Variants in DNAH10 observed in about 807,000 individuals in gnomAD.
The protein encoded by DNAH10 is axonemal beta dynein heavy chain 10.
In DNAH10, 348 loss-of-function variants were observed where a neutral mutation model predicts 506.6. The observed-to-expected ratio is 0.69, with a 90% CI of 0.63 to 0.75. DNAH10 has a LOEUF of 0.75. Among genes scored for constraint, DNAH10 ranks in the 30% least tolerant of loss-of-function variants. The pLI is 0.00. For missense variants in DNAH10, 5,179 were observed against 5,787.1 expected (o/e 0.89, Z 3.41); for synonymous variants, 2,059 against 2,198.6 (o/e 0.94, Z 1.78).
At chr12:123,816,988 T>A (rs1463794427) in intron 21 of DNAH10, among the ~76,000 whole-genome samples, 2 of 152,344 alleles carry the variant, frequency 1.3e-5, no homozygotes, top group East Asian at 3.9e-4. Flanking sequence ...GGGTTTTTTT[T>A]ATCCCTTCTA....
In DNAH10 at chr12:123,787,070, T is replaced by C. The variant is rs564433162; in HGVS notation, c.1422-734T>C. On this transcript the variant is annotated intron_variant, in intron 9 of 78. Coordinates refer to ENST00000673944, the MANE Select transcript of DNAH10 (RefSeq NM_001372106.1). This position sits in a 1 kb window ranked among gnomAD's most constrained non-coding sequence, Gnocchi z 4.6. ...AGGAGAATCGCTTGAACCCAGGAAG[T>C]GGAGGTTGCAGTGAGCCGAGATTGC... Among the ~76,000 whole-genome samples the C allele has an allele frequency of 5.3e-5, 8 of 152,060 alleles. No individual in the cohort carries two copies. The South Asian group carries it at 1.7e-3, about 32-fold the overall frequency.
At chr12:123,804,761 G>T (rs1438861262) in intron 17 of DNAH10, 72 bp from the exon 18 acceptor site, 3 of 1,490,818 alleles carry the variant, frequency 2.0e-6, no homozygotes, top group East Asian at 4.6e-5. Flanking sequence ...CACAGCTCAT[G>T]TTTGGATTGC....
chr12:123,819,361 A>T, intron 23 of DNAH10, 111 bp downstream of exon 23: 4 of 764,202 alleles, frequency 5.2e-6, no homozygotes, highest in Non-Finnish European at 6.3e-6. Context: ...TAAAATATTT[A>T]TTTCTTCCTC....
intron 56 of DNAH10, among the ~76,000 whole-genome samples, chr12:123,899,815 G>A (rs1368103740): frequency 2.0e-5 from 3 of 152,164 alleles, no homozygotes; most frequent in African/African-American, 7.2e-5. Context: ...CCATGTCTGT[G>A]AGCTACCATA....
intron 76 of DNAH10, 75 bp downstream of exon 76, chr12:123,932,183 CCT>C (rs1300217695): frequency 3.8e-6 from 6 of 1,566,088 alleles, no homozygotes; most frequent in South Asian, 1.1e-5. Flanking sequence ...CTCCCAATCC[CCT>C]CTTTCCATTG....
chr12:123,784,319 G>A, intron 8 of DNAH10, 142 bp downstream of exon 8: 1 of 817,454 alleles, frequency 1.2e-6, no homozygotes, highest in East Asian at 2.7e-5. Context: ...GGCTGAGGTG[G>A]GCAGATCGCT....
At chr12:123,874,191 A>T (rs1433149069) in intron 46 of DNAH10, among the ~76,000 whole-genome samples, 1 of 152,110 alleles carries the variant, frequency 6.6e-6, no homozygotes, top group Non-Finnish European at 1.5e-5. Flanking sequence ...ATTTAAATTT[A>T]TATTATTTCA....
At position 123,779,381 on chromosome 12, in the gene DNAH10, T is replaced by A. The variant is rs1957558455; in HGVS notation, c.622-1699T>A. Among the ~76,000 whole-genome samples the A allele has an allele frequency of 2.0e-5, 3 of 152,266 alleles. No homozygotes were observed. In the South Asian group the frequency reaches 6.2e-4, roughly 32 times the overall value. On this transcript the variant is annotated intron_variant, in intron 5 of 78. Transcript: ENST00000673944. ...TTATAATGATCTTTAAAAGTCCTGA[T>A]GGGTCATTTCTGGAGGATGATAGGG...
intron 46 of DNAH10, among the ~76,000 whole-genome samples, chr12:123,874,637 A>ATCCATCCATCCC (rs538630787): frequency 6.6e-6 from 1 of 151,738 alleles, no homozygotes; most frequent in African/African-American, 2.4e-5. Flanking sequence ...CCATCCATCC[A>ATCCATCCATCCC]TTCAATGGAT....
At chr12:123,793,034 A>G (rs1958140863) in intron 11 of DNAH10, among the ~76,000 whole-genome samples, 1 of 152,190 alleles carries the variant, frequency 6.6e-6, no homozygotes, top group Non-Finnish European at 1.5e-5. Context: ...AGTTTTTAAA[A>G]TTGATTTCTA....
intron 2 of DNAH10, among the ~76,000 whole-genome samples, chr12:123,769,118 G>C (rs1004214073): frequency 1.3e-5 from 2 of 152,160 alleles, no homozygotes; most frequent in African/African-American, 2.4e-5. Context: ...AGAAATAAAA[G>C]ATGGTTTGAG....
In DNAH10 at chr12:123,799,290, T is replaced by C. The variant is rs1183165814; in HGVS notation, c.2208T>C (p.Tyr736=). ...YLEVGRTMKE[Y]EDRKYEQWME... ...AAGTAGGTAGGACAATGAAGGAGTATGAAGACAGAAAGTATGAGCAGTGGA... is the reference window on the plus strand; with the variant it reads ...AAGTAGGTAGGACAATGAAGGAGTACGAAGACAGAAAGTATGAGCAGTGGA... The change falls in exon 14 of 79, where the codon TAT becomes TAC. Residue 736 remains tyrosine, a synonymous_variant. Transcript: ENST00000673944. 2 of 1,613,870 alleles carry C rather than the reference T, an allele frequency of 1.2e-6. No individual in the cohort carries two copies. The highest frequency in any genetic ancestry group is 1.7e-5 in the Admixed American group (1 of 59,996).
rs776954154 is a variant in DNAH10, at chr12:123,931,783, A to G, written c.13064A>G (p.Gln4355Arg). Residue 4355 changes from glutamine to arginine, a missense_variant, in exon 75 of 79, where the codon CAG becomes CGG. By Grantham distance (43) the Gln-to-Arg change is conservative (BLOSUM62 1). Around this residue, in one of 3 missense-constraint regions of DNAH10, gnomAD observed 4,844 missense variants for 5,430.5 expected, o/e 0.89. Transcript: ENST00000673944. Reference sequence around the variant, plus strand: ...TCCCCCACTTCGGTGGTGCTCCTGCAGGAACTGGAACGCTTCAACAAGCTT... The same window carrying G: ...TCCCCCACTTCGGTGGTGCTCCTGCGGGAACTGGAACGCTTCAACAAGCTT... ...GLSPTSVVLL[Q>R]ELERFNKLVV... is the part of the protein sequence containing the mutation. 3.7e-6 allele frequency: 6 copies of G among 1,614,038 alleles called. No homozygotes were observed. In the South Asian group the frequency reaches 6.6e-5, roughly 18 times the overall value.
chr12:123,811,540 G>T (rs749420211), intron 19 of DNAH10, among the ~76,000 whole-genome samples: 44 of 149,350 alleles, frequency 2.9e-4, no homozygotes, highest in Non-Finnish European at 4.7e-4. Context: ...TTGCTGTTTC[G>T]CCTAGGCTGG....
At chr12:123,854,580 C>T (rs1484733903) in intron 36 of DNAH10, among the ~76,000 whole-genome samples, 2 of 152,172 alleles carry the variant, frequency 1.3e-5, no homozygotes, top group African/African-American at 2.4e-5. Flanking sequence ...CAAGGACTTC[C>T]GAGAAAGAGG....
chr12:123,776,832 G>A (rs1195842368), intron 5 of DNAH10, among the ~76,000 whole-genome samples: 4 of 152,104 alleles, frequency 2.6e-5, no homozygotes, highest in Admixed American at 1.3e-4. Context: ...ATGAACAACT[G>A]AGACAAGGTC....
At chr12:123,808,731 T>G in intron 18 of DNAH10, 66 bp from the exon 19 acceptor site, 1 of 1,553,506 alleles carries the variant, frequency 6.4e-7, no homozygotes, top group Non-Finnish European at 8.8e-7. Context: ...GTCATTTCCA[T>G]CAATTGCTTG....
In DNAH10 at chr12:123,790,090, A is replaced by G; in HGVS notation, c.1784A>G (p.Tyr595Cys). The G allele has an allele frequency of 6.2e-7, 1 of 1,614,144 alleles. No homozygotes were observed. The change falls in exon 11 of 79, where the codon TAT (tyrosine) becomes TGT (cysteine). Residue 595 changes from tyrosine to cysteine, a missense_variant. By Grantham distance (194) the Tyr-to-Cys change is radical. Around this residue, in one of 3 missense-constraint regions of DNAH10, gnomAD observed 4,844 missense variants for 5,430.5 expected, o/e 0.89. Transcript: ENST00000673944. Reference sequence around the variant, plus strand: ...ATCAAGTCCTCCCAGTTCTGGAAATATGTGATGGATGAATTCAAGATTGAA... The same window carrying G: ...ATCAAGTCCTCCCAGTTCTGGAAATGTGTGATGGATGAATTCAAGATTGAA... ...FSIKSSQFWKYVMDEFKIEVL... is the reference protein window; with the variant it reads ...FSIKSSQFWKCVMDEFKIEVL...
At position 123,850,287 on chromosome 12, in the gene DNAH10, G is replaced by A. The variant is rs1189931825; in HGVS notation, c.6103-601G>A. The stretch of plus-strand genomic sequence containing the variant: ...CTCAACCTTCAGCTAAAAAGGCTAA[G>A]AATATAGGGATTTCCGTGGTTTGTT... On this transcript the variant is annotated intron_variant, in intron 34 of 78. Coordinates refer to ENST00000673944, the MANE Select transcript of DNAH10 (RefSeq NM_001372106.1). This position sits in a 1 kb window ranked among gnomAD's most constrained non-coding sequence, Gnocchi z 5.5. 1.3e-5 allele frequency among the ~76,000 whole-genome samples: 2 copies of A among 151,944 alleles called. No individual in the cohort carries two copies. The highest frequency in any genetic ancestry group is 2.4e-5 in the African/African-American group (1 of 41,348).
Sources: allele counts gnomAD v4.1 joint callset (sites outside exome capture counted in the v4.1 genomes callset), GRCh38; gene constraint gnomAD v4.1.1; regional missense constraint gnomAD v4.1.1; non-coding constraint Gnocchi (gnomAD v3.1); transcripts MANE v1.5; gene names NCBI Gene and HGNC (gene_info 2026-07-23, HGNC 2026-07-21).